QTGAL: variants seen among roughly 807,000 people sequenced by gnomAD.
QTGAL encodes the protein queuosine-tRNA galactosyltransferase.
the QTGAL span, among the ~76,000 whole-genome samples, chr17:83,008,780 G>T: frequency 0.21 from 31,480 of 152,082 alleles, 3,627 homozygotes; most frequent in Non-Finnish European, 0.26. Flanking sequence ...GAGCGAGTGC[G>T]CGGGCTCCAG....
At chr17:83,042,932 C>A in the QTGAL span, among the ~76,000 whole-genome samples, 1 of 152,066 alleles carries the variant, frequency 6.6e-6, no homozygotes, top group Admixed American at 6.5e-5. Context: ...GACTTCAACT[C>A]AAAAATTATT....
chr17:82,989,967 T>A, the QTGAL span, among the ~76,000 whole-genome samples: 1 of 152,234 alleles, frequency 6.6e-6, no homozygotes, highest in South Asian at 2.1e-4. Flanking sequence ...TTTTGAAGGT[T>A]TGCATCACAA....
At chr17:82,975,124 C>T in the QTGAL span, among the ~76,000 whole-genome samples, 1 of 63,988 alleles carries the variant, frequency 1.6e-5, no homozygotes, top group African/African-American at 1.1e-4. Context: ...CAGAGCCGGA[C>T]TCCATCCTCC....
chr17:82,994,037 TAA>T, the QTGAL span, among the ~76,000 whole-genome samples: 2 of 152,058 alleles, frequency 1.3e-5, no homozygotes, highest in South Asian at 2.1e-4. Flanking sequence ...TAAATAGTTA[TAA>T]GTGTCTACAT....
At chr17:83,016,561 G>A in the QTGAL span, among the ~76,000 whole-genome samples, 1 of 141,904 alleles carries the variant, frequency 7.0e-6, no homozygotes, top group African/African-American at 2.6e-5. Context: ...GTAGGGAAGA[G>A]AACAGGAGGT....
chr17:83,005,558 T>C, the QTGAL span: 6 of 702,568 alleles, frequency 8.5e-6, no homozygotes, highest in Non-Finnish European at 1.6e-5. This position sits in a 1 kb window ranked among gnomAD's most constrained non-coding sequence, Gnocchi z 5.6. Context: ...CAAGGTGAGT[T>C]ATTTCTAAGA....
At chr17:82,960,971 G>A in the QTGAL span, 24 of 1,493,074 alleles carry the variant, frequency 1.6e-5, no homozygotes, top group African/African-American at 8.3e-5. Flanking sequence ...CTCTGGGGTC[G>A]GCCCCACCAA....
chr17:82,980,855 C>CCCTCCCCTTCTAAGTAAGAT, the QTGAL span, among the ~76,000 whole-genome samples: 1 of 152,130 alleles, frequency 6.6e-6, no homozygotes, highest in African/African-American at 2.4e-5. Context: ...CAACCCCTTT[C>CCCTCCCCTTCTAAGTAAGAT]CCTCCCCGGA....
At chr17:82,971,283 G>C in the QTGAL span, among the ~76,000 whole-genome samples, 1 of 152,206 alleles carries the variant, frequency 6.6e-6, no homozygotes, top group Non-Finnish European at 1.5e-5. Context: ...CCAGAAACAA[G>C]AGCATAAGGA....
the QTGAL span, among the ~76,000 whole-genome samples, chr17:82,992,637 C>T: frequency 5.3e-5 from 8 of 152,314 alleles, no homozygotes; most frequent in Admixed American, 5.2e-4. Context: ...ACAAAACTCA[C>T]TGCTAATATG....
chr17:83,048,837 T>G, the QTGAL span: 2 of 1,499,172 alleles, frequency 1.3e-6, no homozygotes, highest in Non-Finnish European at 1.9e-6. Flanking sequence ...TAGTTCCCTT[T>G]CCATGGCTCT....
At chr17:83,030,545 T>A in the QTGAL span, among the ~76,000 whole-genome samples, 1 of 152,194 alleles carries the variant, frequency 6.6e-6, no homozygotes, top group African/African-American at 2.4e-5. Context: ...GGGGCACGGC[T>A]ACAGCCACAT....
chr17:82,950,566 G>A, the QTGAL span, among the ~76,000 whole-genome samples: 1 of 152,194 alleles, frequency 6.6e-6, no homozygotes, highest in Non-Finnish European at 1.5e-5. Flanking sequence ...CTTGGACAAC[G>A]GTTATTCAAA....
At chr17:83,028,456 C>T in the QTGAL span, among the ~76,000 whole-genome samples, 5 of 145,626 alleles carry the variant, frequency 3.4e-5, no homozygotes, top group African/African-American at 7.7e-5. Context: ...CCCCAGGGGG[C>T]GGAGCCTGCA....
At chr17:83,039,489 CCT>C in the QTGAL span, among the ~76,000 whole-genome samples, 3 of 125,696 alleles carry the variant, frequency 2.4e-5, 1 homozygote, top group Non-Finnish European at 5.3e-5. Context: ...GCCGCCCGCC[CCT>C]GTTCTAGACA....
At chr17:83,035,967 G>T in the QTGAL span, among the ~76,000 whole-genome samples, 42,620 of 135,818 alleles carry the variant, frequency 0.31, 7,288 homozygotes, top group African/African-American at 0.45. Context: ...GGCTGGACGC[G>T]TGGTGGGTGA....
At chr17:83,032,535 G>T in the QTGAL span, among the ~76,000 whole-genome samples, 2 of 151,504 alleles carry the variant, frequency 1.3e-5, no homozygotes, top group Non-Finnish European at 2.9e-5. Context: ...CCAGGCCTCC[G>T]ACCCAGACTG....
At chr17:82,970,670 A>ACCCG in the QTGAL span, among the ~76,000 whole-genome samples, 1 of 97,488 alleles carries the variant, frequency 1.0e-5, no homozygotes, top group African/African-American at 4.3e-5. Flanking sequence ...CTCCGCACCC[A>ACCCG]GCGTGGCCGT....
the QTGAL span, among the ~76,000 whole-genome samples, chr17:82,971,683 C>CA: frequency 6.8e-5 from 1 of 14,652 alleles, no homozygotes; most frequent in Non-Finnish European, 1.2e-4. Context: ...GACCTGGTGC[C>CA]CACCACACCA....
Sources: gnomAD v4.1 joint callset for allele counts (sites outside exome capture counted in the v4.1 genomes callset) on GRCh38, gnomAD v4.1.1 for gene constraint, Gnocchi (gnomAD v3.1) non-coding constraint, MANE v1.5 for transcripts, NCBI Gene and HGNC (gene_info 2026-07-23, HGNC 2026-07-21) for gene names.